TBC1D4: variants seen among roughly 807,000 people sequenced by gnomAD.
TBC1D4 encodes the protein TBC1 domain family member 4.
TBC1D4 carries 121 observed loss-of-function variants against 142.5 expected under a neutral mutation model. The observed-to-expected ratio is 0.85, with a 90% CI of 0.73 to 0.99. TBC1D4 has a LOEUF of 0.99. Ranked by LOEUF, TBC1D4 falls within the 50% of genes least tolerant of loss-of-function variation. TBC1D4 has a pLI of 0.00. For missense variants in TBC1D4, 1,475 were observed against 1,606.6 expected, an observed-to-expected ratio of 0.92 and a Z score of 1.40; for synonymous variants, 630 against 628.2, an observed-to-expected ratio of 1.00 and a Z score of -0.04.
chr13:75,411,385 T>G (rs1218759640), intron 1 of TBC1D4, among the ~76,000 whole-genome samples: 2 of 152,164 alleles, frequency 1.3e-5, no homozygotes, highest in Non-Finnish European at 2.9e-5. Context: ...CCCACAAACA[T>G]TTGGAGTAAA....
chr13:75,396,877 T>A (rs1884820511), intron 1 of TBC1D4, among the ~76,000 whole-genome samples: 1 of 151,910 alleles, frequency 6.6e-6, no homozygotes, highest in Non-Finnish European at 1.5e-5. Context: ...TGAGAAAAAA[T>A]TCAGAGATTT....
At position 75,310,013 on chromosome 13, in the gene TBC1D4, C is replaced by T. The variant is rs1238878502; in HGVS notation, c.2522G>A (p.Ser841Asn). Residue 841 changes from serine (S) to asparagine (N), a missense_variant, in exon 14 of 21, where the codon AGC becomes AAC. Ser to Asn is a conservative substitution (Grantham distance 46). This residue lies in a region of TBC1D4 where 1,227 missense variants were observed against 1,267.7 expected (regional missense o/e 0.97). Transcript: ENST00000377636. ...EERKKSKELR[S>N]LWRKAIHQQI... ...TTGGTGTATAGCTTTTCTCCACAAG[C>T]TCCTCAGTTCTTTTGATTTCTTTCT... 6.2e-7 allele frequency: 1 copy of T among 1,614,140 alleles called. No individual in the cohort carries two copies. The highest frequency in any genetic ancestry group is 2.2e-5 in the East Asian group (1 of 44,878).
chr13:75,475,867 ATTTTT>A (rs560956402), intron 1 of TBC1D4, among the ~76,000 whole-genome samples: 1 of 151,664 alleles, frequency 6.6e-6, no homozygotes, highest in Non-Finnish European at 1.5e-5. Context: ...CAGATTTTGA[ATTTTT>A]TTTTCAGATT....
At chr13:75,422,688 G>A (rs899068687) in intron 1 of TBC1D4, among the ~76,000 whole-genome samples, 3 of 152,072 alleles carry the variant, frequency 2.0e-5, no homozygotes, top group Non-Finnish European at 4.4e-5. Context: ...TATTCTCTGG[G>A]CATTTATATT....
intron 1 of TBC1D4, among the ~76,000 whole-genome samples, chr13:75,377,688 CT>C (rs1444718605): frequency 5.6e-5 from 8 of 142,440 alleles, no homozygotes; most frequent in Non-Finnish European, 1.2e-4. Context: ...TCTGATTGGT[CT>C]TTTAAATATA....
chr13:75,354,426 G>A (rs1881870641), intron 4 of TBC1D4, among the ~76,000 whole-genome samples: 1 of 152,190 alleles, frequency 6.6e-6, no homozygotes, highest in Admixed American at 6.5e-5. Context: ...TAGCAAAGAG[G>A]AAATGGGGGA....
chr13:75,368,998 T>G (rs2138201798), intron 1 of TBC1D4, among the ~76,000 whole-genome samples: 1 of 150,528 alleles, frequency 6.6e-6, no homozygotes, highest in Admixed American at 6.6e-5. Context: ...GAGCAGAGAT[T>G]GCACCACTGC....
Position 75,285,468 on chromosome 13 carries a change from G to A in TBC1D4, c.*1324C>T, listed in dbSNP as rs78942015. 6.6e-6 allele frequency: 1 copy of A among 152,332 alleles called. No individual in the cohort carries two copies. The highest frequency in any genetic ancestry group is 1.5e-5 in the Non-Finnish European group (1 of 68,032). 9.4% of individuals were successfully genotyped at this position (152,332 alleles called of 1,614,324 possible). On this transcript the variant is annotated 3_prime_UTR_variant, in exon 21 of 21. Transcript: ENST00000377636. The stretch of plus-strand genomic sequence containing the variant: ...GAGGCACTATCATAGAATCATCTCT[G>A]AAAAAGAGAACTGCAAATGTACTTT...
intron 3 of TBC1D4, among the ~76,000 whole-genome samples, chr13:75,356,731 A>G (rs946529160): frequency 1.3e-5 from 2 of 152,210 alleles, no homozygotes; most frequent in African/African-American, 4.8e-5. Flanking sequence ...TTGTCTCTTT[A>G]TAGACACTCA....
In TBC1D4 at chr13:75,288,963, G is replaced by C. The variant is rs1350622995; in HGVS notation, c.3634C>G (p.Gln1212Glu). 6 of 1,613,572 alleles carry C rather than the reference G, an allele frequency of 3.7e-6. No homozygotes were observed. The East Asian group carries it at 1.1e-4, about 30-fold the overall frequency. The change falls in exon 20 of 21, where the codon CAA (glutamine) becomes GAA (glutamate). Residue 1212 changes from glutamine (Q) to glutamate (E), a missense_variant. Gln to Glu is a conservative substitution (Grantham distance 29). Around this residue, in one of 2 missense-constraint regions of TBC1D4, gnomAD observed 248 missense variants for 338.9 expected, o/e 0.73. Transcript: ENST00000377636. The part of the protein sequence containing the change: ...LERANSQLKR[Q>E]NMDLLEKLQV... ...AATTTTTCTAGGAGGTCCATGTTTT[G>C]TCTTTTCAGTTGGCTATTGGCCCTC...
intron 10 of TBC1D4, among the ~76,000 whole-genome samples, chr13:75,324,634 A>G (rs1879076096): frequency 6.6e-6 from 1 of 152,198 alleles, no homozygotes; most frequent in African/African-American, 2.4e-5. Flanking sequence ...CAGTATGTCT[A>G]AGCATCTGTG....
At chr13:75,338,500 T>G (rs1026657553) in intron 7 of TBC1D4, among the ~76,000 whole-genome samples, 2 of 152,158 alleles carry the variant, frequency 1.3e-5, no homozygotes, top group Non-Finnish European at 2.9e-5. Flanking sequence ...GAGAGCGTGA[T>G]GGAGGCAGAA....
At chr13:75,417,367 T>G (rs911336105) in intron 1 of TBC1D4, among the ~76,000 whole-genome samples, 1 of 152,152 alleles carries the variant, frequency 6.6e-6, no homozygotes, top group Non-Finnish European at 1.5e-5. Flanking sequence ...GGGTAAGTGC[T>G]ACCTGGGAGG....
At chr13:75,370,377 T>A (rs1883159682) in intron 1 of TBC1D4, among the ~76,000 whole-genome samples, 1 of 152,182 alleles carries the variant, frequency 6.6e-6, no homozygotes, top group African/African-American at 2.4e-5. Flanking sequence ...TCTAAGTTGC[T>A]TTCAAAAGAA....
chr13:75,411,261 A>G (rs528963924), intron 1 of TBC1D4, among the ~76,000 whole-genome samples: 3 of 152,184 alleles, frequency 2.0e-5, no homozygotes, highest in Non-Finnish European at 4.4e-5. Flanking sequence ...CTTATGATAT[A>G]ATGTGATGAA....
At chr13:75,349,777 T>C (rs556347912) in intron 4 of TBC1D4, among the ~76,000 whole-genome samples, 1 of 152,316 alleles carries the variant, frequency 6.6e-6, no homozygotes, top group South Asian at 2.1e-4. Context: ...TTAAGTAAAG[T>C]TCTGGATAAA....
intron 5 of TBC1D4, among the ~76,000 whole-genome samples, chr13:75,342,955 A>T (rs1375519047): frequency 6.6e-6 from 1 of 152,134 alleles, no homozygotes; most frequent in Non-Finnish European, 1.5e-5. Flanking sequence ...ACATGATGTT[A>T]TGACATAATT....
chr13:75,403,209 G>A (rs906629398), intron 1 of TBC1D4, among the ~76,000 whole-genome samples: 2 of 152,120 alleles, frequency 1.3e-5, no homozygotes, highest in Non-Finnish European at 2.9e-5. Context: ...TAATTCCACC[G>A]GATCCTCTAC....
rs546132892 is a variant in TBC1D4, at chr13:75,396,193, G to A, written c.499-33586C>T. ...CAACAGACGTAGAAAAAAATCAGTCGGCCTCCCAGACAGTTCCATTCATTA... is the reference window on the plus strand; with the variant it reads ...CAACAGACGTAGAAAAAAATCAGTCAGCCTCCCAGACAGTTCCATTCATTA... On this transcript the variant is annotated intron_variant, in intron 1 of 20. Transcript: ENST00000377636. Among the ~76,000 whole-genome samples, 33 of 152,192 alleles carry A rather than the reference G, an allele frequency of 2.2e-4. No individual in the cohort carries two copies. In the East Asian group the frequency reaches 5.0e-3, roughly 23 times the overall value.
Sources: gnomAD v4.1 joint callset for allele counts (sites outside exome capture counted in the v4.1 genomes callset) on GRCh38, gnomAD v4.1.1 for gene constraint, gnomAD v4.1.1 regional missense constraint, MANE v1.5 for transcripts, NCBI Gene and HGNC (gene_info 2026-07-23, HGNC 2026-07-21) for gene names.